Variants in GSDMA observed in about 807,000 individuals in gnomAD.
GSDMA encodes the protein gasdermin-A.
Under a neutral mutation model 54.3 loss-of-function variants are expected in GSDMA, and 55 were observed. That is an observed-to-expected ratio of 1.01 (90% CI 0.82 to 1.27). The LOEUF is 1.27. Among genes scored for constraint, GSDMA ranks in the 50% most tolerant of loss-of-function variants. The pLI, the probability that GSDMA is intolerant of heterozygous loss-of-function variation, is 0.00. For missense variants in GSDMA, 542 were observed against 542.6 expected (o/e 1.00, Z 0.01); for synonymous variants, 211 against 224.7 (o/e 0.94, Z 0.54).
chr17:39,977,287 CTTTTCTT>C lies in GSDMA; in HGVS notation c.*234_*240del, dbSNP rs201366343. 0.29 allele frequency: 84,164 copies of C among 294,618 alleles called. 9,044 individuals are homozygous for C. Among genetic ancestry groups the C allele is most frequent in the Middle Eastern group, 0.43 (494 of 1,144 alleles). The allele number at this position is 294,618 out of a possible 1,614,324, so 18.3% of individuals were successfully genotyped here. On this transcript the variant is annotated 3_prime_UTR_variant, in exon 12 of 12. Transcript: ENST00000301659. ...TGATGCTTAAATTTTCTTTACTTTT[CTTTTCTT>C]TTTTTTTTTTTTTTTGAGATGGAGG...
intron 3 of GSDMA, among the ~76,000 whole-genome samples, chr17:39,970,149 C>A (rs1261623638): frequency 6.6e-6 from 1 of 152,014 alleles, no homozygotes; most frequent in African/African-American, 2.4e-5. Context: ...AGGGGGGGAG[C>A]ATCTACCCCC....
intron 9 of GSDMA, 126 bp downstream of exon 9, chr17:39,974,553 C>G: frequency 2.9e-6 from 3 of 1,034,248 alleles, no homozygotes; most frequent in Non-Finnish European, 4.1e-6. Context: ...CAGGGGAGTC[C>G]ACCTTAGATA....
At chr17:39,975,055 T>C in intron 10 of GSDMA, 41 bp downstream of exon 10, 5 of 1,082,040 alleles carry the variant, frequency 4.6e-6, no homozygotes, top group Non-Finnish European at 4.2e-6. Flanking sequence ...ACCTTTTCAG[T>C]AATAGGAATG....
intron 3 of GSDMA, among the ~76,000 whole-genome samples, chr17:39,970,081 G>C (rs1421269548): frequency 6.6e-6 from 1 of 151,180 alleles, no homozygotes; most frequent in Non-Finnish European, 1.5e-5. Flanking sequence ...TGAATGGGGA[G>C]GAAAGAGGGG....
chr17:39,963,413 C>G (rs559193753), intron 1 of GSDMA, among the ~76,000 whole-genome samples: 1 of 152,086 alleles, frequency 6.6e-6, no homozygotes, highest in Non-Finnish European at 1.5e-5. Context: ...CCTGCCCCCC[C>G]TGCTGCTGTG....
intron 3 of GSDMA, among the ~76,000 whole-genome samples, chr17:39,969,344 T>TAAAAAAAA (rs5820313): frequency 7.4e-6 from 1 of 135,290 alleles, no homozygotes; most frequent in Non-Finnish European, 1.6e-5. Context: ...AGTGGGACCT[T>TAAAAAAAA]AAAAAAAAAA....
At chr17:39,963,409 C>A (rs1002132266) in intron 1 of GSDMA, among the ~76,000 whole-genome samples, 6 of 151,966 alleles carry the variant, frequency 3.9e-5, no homozygotes, top group Non-Finnish European at 7.4e-5. Context: ...GCTTCCTGCC[C>A]CCCCTGCTGC....
In GSDMA at chr17:39,965,786, C is replaced by G. The variant is rs1457001945; in HGVS notation, c.99C>G (p.Phe33Leu). 1 of 1,608,504 alleles carries G rather than the reference C, an allele frequency of 6.2e-7. No individual in the cohort carries two copies. The highest frequency in any genetic ancestry group is 1.3e-5 in the African/African-American group (1 of 74,804). The change falls in exon 2 of 12, where the codon TTC becomes TTG. Residue 33 changes from phenylalanine (F) to leucine (L), a missense_variant. Transcript: ENST00000301659. ...PLDSLIDFKR[F>L]HPFCLVLRKR... ...ACAGCCTCATCGACTTCAAGCGCTT[C>G]CATCCCTTCTGCCTGGTGCTGAGGA...
chr17:39,967,012 G>A lies in GSDMA; in HGVS notation c.392+575G>A, dbSNP rs1015991381. Among the ~76,000 whole-genome samples, 54 of 152,102 alleles carry A rather than the reference G, an allele frequency of 3.6e-4. 3 individuals are homozygous for A. The highest frequency in any genetic ancestry group is 2.0e-4 in the Admixed American group (3 of 15,270). ...CACCACCGGATGTTTGGCTTGACAC[G>A]GGAACTGACTTTTAAGTAGTTAAGT... On this transcript the variant is annotated intron_variant, in intron 3 of 11. Coordinates refer to ENST00000301659, the MANE Select transcript of GSDMA (RefSeq NM_178171.5).
At chr17:39,965,587 G>A (rs902398124) in intron 1 of GSDMA, 96 bp from the exon 2 acceptor site, 18 of 836,984 alleles carry the variant, frequency 2.2e-5, no homozygotes, top group East Asian at 5.3e-5. Context: ...CCTCAGAGCC[G>A]GGTAAACTCT....
At chr17:39,965,942 G>T in intron 2 of GSDMA, 41 bp downstream of exon 2, 2 of 1,529,428 alleles carry the variant, frequency 1.3e-6, no homozygotes, top group Non-Finnish European at 1.8e-6. Context: ...GATACTGAGG[G>T]ACAGGGGCTG....
Position 39,977,498 on chromosome 17 carries a change from C to T in GSDMA, c.*440C>T. ...GTAGAGACGGGGTTTCACCATGTTG[C>T]CCAGGTTGGTCTCGAACTCCTGGCC... On this transcript the variant is annotated 3_prime_UTR_variant, in exon 12 of 12. Transcript: ENST00000301659. 1 of 159,736 alleles carries T rather than the reference C, an allele frequency of 6.3e-6. No individual in the cohort carries two copies. The highest frequency in any genetic ancestry group is 1.6e-4 in the South Asian group (1 of 6,110). 9.9% of individuals were successfully genotyped at this position (159,736 alleles called of 1,614,324 possible). A position where few individuals can be genotyped will look rare whatever the true frequency, so the allele number is the denominator to read the frequency against.
At chr17:39,974,834 T>G in intron 9 of GSDMA, 66 bp from the exon 10 acceptor site, 3 of 844,170 alleles carry the variant, frequency 3.6e-6, no homozygotes, top group Non-Finnish European at 5.8e-6. Context: ...GGGGTTATTA[T>G]GTGCTGGGCC....
chr17:39,976,860 T>C lies in GSDMA; in HGVS notation c.1140T>C (p.Gly380=). 6.2e-7 allele frequency: 1 copy of C among 1,613,746 alleles called. No individual in the cohort carries two copies. Among genetic ancestry groups the C allele is most frequent in the Non-Finnish European group, 8.5e-7 (1 of 1,179,814 alleles). ...MEQNFLLDKE[G]VFPLQPELLS... ...AGAACTTCCTGCTGGATAAAGAGGG[T>C]GTTTTCCCCCTGCAACCTGAGCTGC... is the stretch of plus-strand genomic sequence containing the variant. The change falls in exon 12 of 12, where the codon GGT becomes GGC. Residue 380 remains glycine, a synonymous_variant. Coordinates refer to ENST00000301659, the MANE Select transcript of GSDMA (RefSeq NM_178171.5).
chr17:39,971,041 T>A (rs1015875253), intron 4 of GSDMA, among the ~76,000 whole-genome samples: 3 of 152,060 alleles, frequency 2.0e-5, no homozygotes, highest in Non-Finnish European at 4.4e-5. Flanking sequence ...GAAAAGCCAA[T>A]GGAAATAAGG....
intron 3 of GSDMA, among the ~76,000 whole-genome samples, chr17:39,968,673 G>C (rs958933004): frequency 6.6e-6 from 1 of 152,084 alleles, no homozygotes; most frequent in African/African-American, 2.4e-5. Flanking sequence ...TATCCCATGA[G>C]CAACGAAAAC....
In GSDMA at chr17:39,966,780, A is replaced by T. The variant is rs551858235; in HGVS notation, c.392+343A>T. On this transcript the variant is annotated intron_variant, in intron 3 of 11. Transcript: ENST00000301659. ...TGCAAAATGACAGGATTGAATGATC[A>T]TCTCTAAGGCTCCTTCTAACTCTAA... Among the ~76,000 whole-genome samples, 42 of 152,294 alleles carry T rather than the reference A, an allele frequency of 2.8e-4. 1 individual carries two copies. The highest frequency in any genetic ancestry group is 1.2e-3 in the Admixed American group (18 of 15,296).
rs372613585 is a variant in GSDMA, at chr17:39,976,932, C to T, written c.1212C>T (p.Val404=). Reference sequence around the variant, plus strand: ...AGCTGACCCTCACGGAGGCTCTAGTCGGGCTGAGTGGCCTGGAAGTGCAGA... The same window carrying T: ...AGCTGACCCTCACGGAGGCTCTAGTTGGGCTGAGTGGCCTGGAAGTGCAGA... The part of the protein sequence containing the change: ...DEELTLTEAL[V]GLSGLEVQRS... The change falls in exon 12 of 12, where the codon GTC becomes GTT. Residue 404 remains valine, a synonymous_variant. Transcript: ENST00000301659. The T allele has an allele frequency of 1.2e-5, 20 of 1,613,842 alleles. No individual in the cohort carries two copies. Among genetic ancestry groups the T allele is most frequent in the African/African-American group, 4.0e-5 (3 of 74,906 alleles).
At chr17:39,963,581 C>T (rs1382455413) in intron 1 of GSDMA, among the ~76,000 whole-genome samples, 3 of 152,142 alleles carry the variant, frequency 2.0e-5, no homozygotes, top group Non-Finnish European at 2.9e-5. Flanking sequence ...AGGTCAGGTG[C>T]GGTGGCTCAC....
Sources: gnomAD v4.1 joint callset for allele counts (sites outside exome capture counted in the v4.1 genomes callset) on GRCh38, gnomAD v4.1.1 for gene constraint, MANE v1.5 for transcripts, NCBI Gene and HGNC (gene_info 2026-07-23, HGNC 2026-07-21) for gene names.